The following XRN1 variants were observed in gnomAD, a reference collection of about 807,000 sequenced individuals.
XRN1 encodes strand-exchange protein 1 homolog.
In XRN1, 67 loss-of-function variants were observed where a neutral mutation model predicts 222.3. The observed-to-expected ratio is 0.30, with a 90% confidence interval of 0.25 to 0.37. The LOEUF (loss-of-function observed/expected upper bound fraction) is 0.37. XRN1 is among the 10% of genes least tolerant of loss of function. XRN1 has a pLI of 1.00. For synonymous variants in XRN1, 643 were observed against 652.4 expected (o/e 0.99, Z 0.22); for missense variants, 1,707 against 2,000.2 (o/e 0.85, Z 2.80).
chr3:142,378,339 T>A (rs1402618588), intron 23 of XRN1, among the ~76,000 whole-genome samples: 3 of 152,200 alleles, frequency 2.0e-5, no homozygotes, highest in Non-Finnish European at 4.4e-5. Context: ...AGGCCATTTG[T>A]CACTTCCAAC....
At chr3:142,344,977 AC>A (rs2107797526) in intron 33 of XRN1, among the ~76,000 whole-genome samples, 1 of 152,312 alleles carries the variant, frequency 6.6e-6, no homozygotes. Context: ...GAGGGCTCAA[AC>A]TTCCTGATTT....
chr3:142,416,072 G>A (rs896886589), intron 13 of XRN1, among the ~76,000 whole-genome samples: 6 of 151,654 alleles, frequency 4.0e-5, no homozygotes, highest in Admixed American at 2.0e-4. Context: ...CTGACAGAAC[G>A]AGACTCTGTC....
At chr3:142,393,887 T>C (rs537817622) in intron 20 of XRN1, among the ~76,000 whole-genome samples, 1 of 151,844 alleles carries the variant, frequency 6.6e-6, no homozygotes, top group East Asian at 1.9e-4. Flanking sequence ...AGTGCAGTGG[T>C]GTGATCTTGG....
At chr3:142,324,894 CT>C (rs2107890459) in intron 37 of XRN1, among the ~76,000 whole-genome samples, 1 of 152,134 alleles carries the variant, frequency 6.6e-6, no homozygotes, top group East Asian at 1.9e-4. Flanking sequence ...TAAATGTCTT[CT>C]TTTGAGAAGT....
chr3:142,398,437 G>C (rs577538119), intron 19 of XRN1, among the ~76,000 whole-genome samples: 1 of 150,710 alleles, frequency 6.6e-6, no homozygotes, highest in African/African-American at 2.4e-5. Context: ...AGTGATCATA[G>C]CTCACTGCAG....
Position 142,435,413 on chromosome 3 carries a change from A to T in XRN1, c.76-2520T>A, listed in dbSNP as rs567284905. 8 of 150,890 alleles carry T rather than the reference A, an allele frequency of 5.3e-5. No homozygotes were observed. The East Asian group carries it at 1.4e-3, about 26-fold the overall frequency. 9.3% of individuals were successfully genotyped at this position (150,890 alleles called of 1,614,324 possible). ...ACTCTGTATCAAAAAAAAAAAAAAG[A>T]AGTCAACATCTCTAACACATAAAAA... On this transcript the variant is annotated intron_variant, in intron 1 of 40. Transcript: ENST00000392981.
chr3:142,426,506 G>A (rs2069253794), intron 3 of XRN1: 3 of 429,260 alleles, frequency 7.0e-6, no homozygotes, highest in Non-Finnish European at 1.2e-5. Context: ...TGTCCACCTG[G>A]GAGATTCCTG....
chr3:142,391,650 A>C (rs189007595), intron 20 of XRN1, among the ~76,000 whole-genome samples: 100 of 151,228 alleles, frequency 6.6e-4, no homozygotes, highest in Non-Finnish European at 8.4e-4. Flanking sequence ...GATTGCTCGA[A>C]CTCAGGAGCT....
rs370104201 is a variant in XRN1, at chr3:142,425,480, A to C, written c.465T>G (p.Ile155Met). 5.6e-6 allele frequency: 9 copies of C among 1,613,444 alleles called. No individual in the cohort carries two copies. Among genetic ancestry groups the C allele is most frequent in the Non-Finnish European group, 6.8e-6 (8 of 1,179,730 alleles). Residue 155 changes from isoleucine (I) to methionine (M), a missense_variant, in exon 4 of 41, where the codon ATT becomes ATG. Transcript: ENST00000392981. ...CTCCTTGCCATGACTTGTCTGTGGA[A>C]ATTTTCATATTTACAAAATACTTCA... ...EHLKYFVNMK[I>M]STDKSWQGVT...
chr3:142,327,612 A>G (rs2065556693), intron 37 of XRN1, among the ~76,000 whole-genome samples: 1 of 149,438 alleles, frequency 6.7e-6, no homozygotes, highest in Non-Finnish European at 1.5e-5. Flanking sequence ...CCCAATCTTT[A>G]TCATTTCTTT....
chr3:142,431,906 A>AATAT (rs2069582643), intron 2 of XRN1, among the ~76,000 whole-genome samples: 2 of 36,912 alleles, frequency 5.4e-5, no homozygotes, highest in African/African-American at 2.8e-4. Context: ...TATATATTAT[A>AATAT]TATATAAATA....
intron 19 of XRN1, among the ~76,000 whole-genome samples, chr3:142,397,763 A>T (rs2067983370): frequency 6.6e-6 from 1 of 152,200 alleles, no homozygotes; most frequent in Non-Finnish European, 1.5e-5. Flanking sequence ...GTTCTATAGC[A>T]ACAGTAGGTT....
Position 142,403,523 on chromosome 3 carries a change from T to C in XRN1, c.2103+151A>G, listed in dbSNP as rs889452818. On this transcript the variant is annotated intron_variant, in intron 18 of 40. Transcript: ENST00000392981. Reference sequence around the variant, plus strand: ...TGATACAGGTTCTTGAACTATTATCTAATTTGTATGAATGTTTCTTTGCTT... The same window carrying C: ...TGATACAGGTTCTTGAACTATTATCCAATTTGTATGAATGTTTCTTTGCTT... 7 of 645,948 alleles carry C rather than the reference T, an allele frequency of 1.1e-5. No individual in the cohort carries two copies. The Admixed American group carries it at 2.1e-4, about 20-fold the overall frequency. 40.0% of individuals were successfully genotyped at this position (645,948 alleles called of 1,614,324 possible).
Position 142,414,261 on chromosome 3 carries a change from C to G in XRN1, c.1467G>C (p.Leu489=). The change falls in exon 14 of 41, where the codon CTG becomes CTC. Residue 489 remains leucine (L), a synonymous_variant. Coordinates refer to ENST00000392981, the MANE Select transcript of XRN1 (RefSeq NM_001282857.2). ...GTGTACTGATGTTGTGTATATCAGA[C>G]AGGAAAGGTGCATAATGATAAGGAT... is the stretch of plus-strand genomic sequence containing the variant. ...WYYPYHYAPF[L]SDIHNISTLK... 6.2e-7 allele frequency: 1 copy of G among 1,611,992 alleles called. No individual in the cohort carries two copies. Among genetic ancestry groups the G allele is most frequent in the Middle Eastern group, 1.7e-4 (1 of 6,052 alleles).
intron 15 of XRN1, among the ~76,000 whole-genome samples, chr3:142,408,044 C>A (rs923991986): frequency 3.9e-5 from 6 of 152,240 alleles, no homozygotes; most frequent in African/African-American, 1.4e-4. Context: ...CATATATGGA[C>A]ATTCTAATAG....
chr3:142,314,052 AATT>A (rs1186536796), intron 39 of XRN1, among the ~76,000 whole-genome samples: 2 of 152,228 alleles, frequency 1.3e-5, no homozygotes, highest in East Asian at 3.8e-4. Context: ...TCAACTCCGT[AATT>A]TCCCCAATAA....
chr3:142,444,532 C>T (rs1049151918), intron 1 of XRN1, among the ~76,000 whole-genome samples: 9 of 152,034 alleles, frequency 5.9e-5, no homozygotes, highest in South Asian at 2.1e-4. Flanking sequence ...TTGCTTGAAC[C>T]GGGGAGGCAG....
chr3:142,373,839 G>A (rs149751646), intron 25 of XRN1, among the ~76,000 whole-genome samples: 12,010 of 151,956 alleles, frequency 0.079, 1,593 homozygotes, highest in African/African-American at 0.27. Context: ...AAATTTAGCC[G>A]GGCATGGTGG....
intron 36 of XRN1, among the ~76,000 whole-genome samples, chr3:142,329,908 G>A (rs1054438167): frequency 9.2e-5 from 14 of 152,108 alleles, no homozygotes; most frequent in African/African-American, 3.4e-4. Context: ...TCAGTTAGAC[G>A]CTATAGAGCC....
Sources: allele counts gnomAD v4.1 joint callset (sites outside exome capture counted in the v4.1 genomes callset), GRCh38; gene constraint gnomAD v4.1.1; transcripts MANE v1.5; gene names NCBI Gene and HGNC (gene_info 2026-07-23, HGNC 2026-07-21).